The following IMMP2L variants were observed in gnomAD, a reference collection of about 807,000 sequenced individuals.
IMMP2L encodes the protein inner mitochondrial membrane peptidase subunit 2, also known as mitochondrial inner membrane protease subunit 2.
A neutral mutation model predicts 19.3 loss-of-function variants in IMMP2L; 18 were observed. That is an observed-to-expected ratio of 0.93 (90% CI 0.64 to 1.38). The LOEUF is 1.38. Ranked by LOEUF, IMMP2L falls within the 40% of genes most tolerant of loss-of-function variation. IMMP2L has a pLI of 0.00. For missense variants in IMMP2L, 233 were observed against 218.2 expected, an observed-to-expected ratio of 1.07 and a Z score of -0.43; for synonymous variants, 76 against 73.0, an observed-to-expected ratio of 1.04 and a Z score of -0.21.
chr7:111,379,206 T>TAAA (rs11303513), intron 3 of IMMP2L, among the ~76,000 whole-genome samples: 1 of 98,904 alleles, frequency 1.0e-5, no homozygotes, highest in Non-Finnish European at 2.2e-5. Context: ...ACCCTTATGG[T>TAAA]AAAAAAAAAA....
intron 5 of IMMP2L, among the ~76,000 whole-genome samples, chr7:110,842,506 A>G (rs917502798): frequency 2.0e-5 from 3 of 152,216 alleles, no homozygotes; most frequent in African/African-American, 7.2e-5. Context: ...CCAAAGGGCA[A>G]ACCAAATGCC....
intron 3 of IMMP2L, among the ~76,000 whole-genome samples, chr7:111,005,021 T>C (rs553916736): frequency 6.6e-6 from 1 of 152,190 alleles, no homozygotes; most frequent in Non-Finnish European, 1.5e-5. Context: ...TACTAAGTTA[T>C]GAACTACTCA....
chr7:111,227,367 T>C (rs1813219132), intron 3 of IMMP2L, among the ~76,000 whole-genome samples: 1 of 152,160 alleles, frequency 6.6e-6, no homozygotes, highest in African/African-American at 2.4e-5. Flanking sequence ...AATCAATACA[T>C]GTTCCCAGAA....
At chr7:110,700,974 C>T (rs936711543) in intron 5 of IMMP2L, among the ~76,000 whole-genome samples, 1 of 152,038 alleles carries the variant, frequency 6.6e-6, no homozygotes, top group African/African-American at 2.4e-5. Context: ...GATTTTGCAA[C>T]AGCTTTTTCA....
In IMMP2L at chr7:111,110,193, T is replaced by A. The variant is rs1281835213; in HGVS notation, c.240-146628A>T. On this transcript the variant is annotated intron_variant, in intron 3 of 5. Coordinates refer to ENST00000405709, the MANE Select transcript of IMMP2L (RefSeq NM_032549.4). The stretch of plus-strand genomic sequence containing the variant: ...AAAATATGCAAAGATAAGTAAAGCA[T>A]CAAAGATCCTATCTGTTCATGGATA... Among the ~76,000 whole-genome samples, 3 of 152,176 alleles carry A rather than the reference T, an allele frequency of 2.0e-5. No individual in the cohort carries two copies. In the East Asian group the frequency reaches 5.8e-4, roughly 29 times the overall value.
chr7:111,049,596 A>C (rs1207112889), intron 3 of IMMP2L, among the ~76,000 whole-genome samples: 1 of 152,150 alleles, frequency 6.6e-6, no homozygotes, highest in Admixed American at 6.5e-5. Flanking sequence ...TAAATTCTAC[A>C]TACTTAGAAA....
chr7:111,165,092 G>A (rs774050602), intron 3 of IMMP2L, among the ~76,000 whole-genome samples: 3 of 151,862 alleles, frequency 2.0e-5, no homozygotes, highest in East Asian at 1.9e-4. Flanking sequence ...CCCCACATCC[G>A]GGGCCCCTGG....
rs190671507 is a variant in IMMP2L at position 110,966,502 on chromosome 7, T to G, written c.240-2937A>C. ...GCAACACCTATCAGTGTAAAAAATA[T>G]TTTATGCCAACAATGTTTAAGCTTT... On this transcript the variant is annotated intron_variant, in intron 3 of 5. Transcript: ENST00000405709. Among the ~76,000 whole-genome samples the G allele has an allele frequency of 5.0e-3, 757 of 152,118 alleles. 11 individuals carry two copies. Among genetic ancestry groups the G allele is most frequent in the African/African-American group, 0.018 (731 of 41,538 alleles).
chr7:111,056,747 T>C (rs1245309636), intron 3 of IMMP2L, among the ~76,000 whole-genome samples: 3 of 152,188 alleles, frequency 2.0e-5, no homozygotes, highest in African/African-American at 4.8e-5. Context: ...AAGAAAATGT[T>C]AAGAAAATCA....
chr7:111,025,510 A>T (rs1299898644), intron 3 of IMMP2L, among the ~76,000 whole-genome samples: 1 of 152,234 alleles, frequency 6.6e-6, no homozygotes, highest in Non-Finnish European at 1.5e-5. Context: ...TAAATAAAAC[A>T]GGTTGCGCCT....
At chr7:111,057,205 T>G (rs1433603342) in intron 3 of IMMP2L, among the ~76,000 whole-genome samples, 1 of 152,178 alleles carries the variant, frequency 6.6e-6, no homozygotes, top group Non-Finnish European at 1.5e-5. Flanking sequence ...TTCCCACATT[T>G]GATTCATTGG....
chr7:110,765,264 G>A (rs567685089), intron 5 of IMMP2L, among the ~76,000 whole-genome samples: 1 of 152,158 alleles, frequency 6.6e-6, no homozygotes, highest in South Asian at 2.1e-4. Context: ...AAGGTTAATG[G>A]TGAATAGAAG....
intron 3 of IMMP2L, among the ~76,000 whole-genome samples, chr7:111,383,934 T>C (rs921798740): frequency 3.9e-5 from 6 of 152,126 alleles, no homozygotes; most frequent in Non-Finnish European, 7.4e-5. Context: ...ATCTATGCTC[T>C]TGTGTCTTAT....
At position 111,079,204 on chromosome 7, in the gene IMMP2L, G is replaced by A. The variant is rs371303014; in HGVS notation, c.240-115639C>T. On this transcript the variant is annotated intron_variant, in intron 3 of 5. Coordinates refer to ENST00000405709, the MANE Select transcript of IMMP2L (RefSeq NM_032549.4). ...GGGATCTCGGCTCACTGCAAGCTCC[G>A]CCTCCCGGGTTCACGCCATTCTCCT... Among the ~76,000 whole-genome samples the A allele has an allele frequency of 1.4e-4, 21 of 147,332 alleles. No homozygotes were observed. The East Asian group carries it at 3.4e-3, about 24-fold the overall frequency.
At chr7:111,167,867 C>T (rs1324265407) in intron 3 of IMMP2L, among the ~76,000 whole-genome samples, 1 of 151,884 alleles carries the variant, frequency 6.6e-6, no homozygotes, top group African/African-American at 2.4e-5. Flanking sequence ...TGGGTATATG[C>T]AATATGAATT....
At chr7:111,343,245 A>T (rs1194031349) in intron 3 of IMMP2L, among the ~76,000 whole-genome samples, 1 of 152,042 alleles carries the variant, frequency 6.6e-6, no homozygotes, top group African/African-American at 2.4e-5. Flanking sequence ...CCTGTCTACC[A>T]CAACATTATA....
At chr7:111,378,825 G>A (rs1830927173) in intron 3 of IMMP2L, among the ~76,000 whole-genome samples, 1 of 151,810 alleles carries the variant, frequency 6.6e-6, no homozygotes, top group African/African-American at 2.4e-5. Context: ...CTATCATGAA[G>A]GTGAATTCAG....
intron 3 of IMMP2L, among the ~76,000 whole-genome samples, chr7:111,020,859 T>A: frequency 6.6e-6 from 1 of 152,220 alleles, no homozygotes; most frequent in East Asian, 1.9e-4. Context: ...TCCCTTCATT[T>A]CTGTCAGTTT....
chr7:110,769,477 G>A (rs192511601), intron 5 of IMMP2L, among the ~76,000 whole-genome samples: 3 of 152,214 alleles, frequency 2.0e-5, no homozygotes, highest in Admixed American at 1.3e-4. Flanking sequence ...TTTTTCTGCT[G>A]TCTTTTGGCC....
Sources: gnomAD v4.1 joint callset for allele counts (sites outside exome capture counted in the v4.1 genomes callset) on GRCh38, gnomAD v4.1.1 for gene constraint, MANE v1.5 for transcripts, NCBI Gene and HGNC (gene_info 2026-07-23, HGNC 2026-07-21) for gene names.